Variants in TRIP11 observed in about 807,000 individuals in gnomAD.
TRIP11 encodes thyroid hormone receptor interactor 11.
TRIP11 carries 148 observed loss-of-function variants against 223.1 expected under a neutral mutation model. The observed-to-expected ratio is 0.66, with a 90% confidence interval of 0.58 to 0.76. The LOEUF is 0.76. Among genes scored for constraint, TRIP11 ranks in the 30% least tolerant of loss-of-function variants. The pLI is 0.00. For missense variants in TRIP11, 2,043 were observed against 2,222.0 expected (o/e 0.92, Z 1.62); for synonymous variants, 762 against 772.6 (o/e 0.99, Z 0.23).
At chr14:92,001,135 A>G (rs2056820795) in intron 11 of TRIP11, among the ~76,000 whole-genome samples, 1 of 152,148 alleles carries the variant, frequency 6.6e-6, no homozygotes, top group Non-Finnish European at 1.5e-5. Flanking sequence ...TGCTGGGATT[A>G]CATGTGTGAG....
intron 1 of TRIP11, among the ~76,000 whole-genome samples, chr14:92,035,576 TATTTA>T (rs777735702): frequency 5.8e-4 from 61 of 104,812 alleles, no homozygotes; most frequent in African/African-American, 1.3e-3. Context: ...TTTATTTATT[TATTTA>T]TTTATTTTTT....
intron 15 of TRIP11, among the ~76,000 whole-genome samples, chr14:91,989,448 G>A (rs2056646170): frequency 6.7e-6 from 1 of 149,932 alleles, no homozygotes; most frequent in East Asian, 2.0e-4. Context: ...AATATATCCT[G>A]GGCTCTATTT....
intron 2 of TRIP11, 85 bp from the exon 3 acceptor site, chr14:92,025,505 G>GC (rs2057171349): frequency 1.2e-6 from 1 of 854,340 alleles, no homozygotes; most frequent in Non-Finnish European, 1.9e-6. Flanking sequence ...AAAACGTACT[G>GC]CTTTCCCCCC....
chr14:91,969,831 C>T lies in TRIP11; in HGVS notation c.5782G>A (p.Ala1928Thr). ...DVNPFLAPRS[A>T]AVPLINPAGL... is the part of the protein sequence containing the mutation. ...GCTGGGTTAATAAGAGGTACAGCTG[C>T]CGAGCGAGGAGCCAAAAACGGATTT... is the stretch of plus-strand genomic sequence containing the variant. The change falls in exon 21 of 21, where the codon GCA becomes ACA. Residue 1928 changes from alanine to threonine, a missense_variant. Coordinates refer to ENST00000267622, the MANE Select transcript of TRIP11 (RefSeq NM_004239.4). 6.2e-7 allele frequency: 1 copy of T among 1,614,178 alleles called. No individual in the cohort carries two copies. The highest frequency in any genetic ancestry group is 8.5e-7 in the Non-Finnish European group (1 of 1,180,038).
intron 16 of TRIP11, among the ~76,000 whole-genome samples, chr14:91,979,244 G>A (rs1243021391): frequency 7.2e-5 from 10 of 138,336 alleles, no homozygotes; most frequent in South Asian, 7.1e-4. Context: ...ACAACAGAGC[G>A]AGACCCTGTC....
rs1566874546 is a variant in TRIP11 at position 92,029,288 on chromosome 14, T to TTTTTA, written c.202-3869_202-3868insTAAAA. Among the ~76,000 whole-genome samples the TTTTTA allele has an allele frequency of 8.0e-4, 45 of 56,106 alleles. 1 individual carries two copies. Among genetic ancestry groups the TTTTTA allele is most frequent in the African/African-American group, 2.5e-3 (44 of 17,792 alleles). 36.8% of individuals were successfully genotyped at this position (56,106 alleles called of 152,430 possible). ...GCATTGCCCAAAGTATTATTTTTTT[T>TTTTTA]TTTTTTTTTTTTTTTTTTTTTTTTT... On this transcript the variant is annotated intron_variant, in intron 2 of 20. Coordinates refer to ENST00000267622, the MANE Select transcript of TRIP11 (RefSeq NM_004239.4).
Position 92,005,090 on chromosome 14 carries a change from A to G in TRIP11, c.2886T>C (p.Asp962=). 1 of 1,613,706 alleles carries G rather than the reference A, an allele frequency of 6.2e-7. No homozygotes were observed. Among genetic ancestry groups the G allele is most frequent in the Non-Finnish European group, 8.5e-7 (1 of 1,180,020 alleles). ...TTTTTTGCAAACTCTTAATTTCCTCATCCTTCTCTAAAAAGAGCTGGGTGT... is the reference window on the plus strand; with the variant it reads ...TTTTTTGCAAACTCTTAATTTCCTCGTCCTTCTCTAAAAAGAGCTGGGTGT... ...ATHTQLFLEK[D]EEIKSLQKTI... is the part of the protein sequence containing the mutation. Residue 962 remains aspartate (D), a synonymous_variant, in exon 11 of 21, where the codon GAT becomes GAC. Transcript: ENST00000267622.
intron 20 of TRIP11, among the ~76,000 whole-genome samples, chr14:91,970,433 T>TAA (rs112330218): frequency 4.1e-5 from 6 of 147,084 alleles, no homozygotes; most frequent in African/African-American, 9.9e-5. Context: ...AAATTAAAAT[T>TAA]AAAAAAAAAA....
rs2056449473 is a variant in TRIP11, at chr14:91,975,224, A to G, written c.5405T>C (p.Val1802Ala). 3.7e-6 allele frequency: 6 copies of G among 1,613,802 alleles called. No individual in the cohort carries two copies. Among genetic ancestry groups the G allele is most frequent in the Middle Eastern group, 1.7e-4 (1 of 6,054 alleles). The stretch of plus-strand genomic sequence containing the variant: ...CAGGATGCTCCCCATTAACCGTAAC[A>G]CTTCATGACGCTGATTTTTCGGTGT... ...FHTPKNQRHE[V>A]LRLMGSILGV... The change falls in exon 18 of 21, where the codon GTG becomes GCG. Residue 1802 changes from valine to alanine, a missense_variant. Coordinates refer to ENST00000267622, the MANE Select transcript of TRIP11 (RefSeq NM_004239.4).
Position 91,969,724 on chromosome 14 carries a change from C to T in TRIP11, c.5889G>A (p.Ala1963=), listed in dbSNP as rs142075650. ...CAACCCCAGCACTGTTGTCAGGTAACGCTGGCAAAGGTGTAAATGTGGGCA... is the reference window on the plus strand; with the variant it reads ...CAACCCCAGCACTGTTGTCAGGTAATGCTGGCAAAGGTGTAAATGTGGGCA... The part of the protein sequence containing the change: ...DVLPTFTPLP[A]LPDNSAGVVL... The change falls in exon 21 of 21, where the codon GCG becomes GCA. Residue 1963 remains alanine (A), a synonymous_variant. Coordinates refer to ENST00000267622, the MANE Select transcript of TRIP11 (RefSeq NM_004239.4). 1.3e-4 allele frequency: 203 copies of T among 1,613,182 alleles called. 4 individuals are homozygous for T. The highest frequency in any genetic ancestry group is 9.4e-4 in the Middle Eastern group (5 of 5,294).
chr14:92,029,428 T>C (rs1270186863), intron 2 of TRIP11, among the ~76,000 whole-genome samples: 1 of 151,692 alleles, frequency 6.6e-6, no homozygotes, highest in Non-Finnish European at 1.5e-5. Context: ...CCTGAATAGC[T>C]GGGATTACAG....
intron 11 of TRIP11, among the ~76,000 whole-genome samples, chr14:92,001,858 C>A (rs117092398): frequency 6.6e-6 from 1 of 152,156 alleles, no homozygotes; most frequent in East Asian, 1.9e-4. Flanking sequence ...AGACCAGTAC[C>A]ATTAAAGCTA....
chr14:92,038,478 C>T (rs1461402092), intron 1 of TRIP11, among the ~76,000 whole-genome samples: 1 of 152,082 alleles, frequency 6.6e-6, no homozygotes, highest in Non-Finnish European at 1.5e-5. Context: ...GAACGTAAAG[C>T]GGTAAAATGG....
rs778772980 is a variant in TRIP11 at position 92,015,692 on chromosome 14, T to C, written c.823+4A>G. 4 of 1,602,472 alleles carry C rather than the reference T, an allele frequency of 2.5e-6. No homozygotes were observed. The East Asian group carries it at 9.0e-5, about 36-fold the overall frequency. On this transcript the variant is annotated splice_donor_region_variant and intron_variant, in intron 6 of 20. Transcript: ENST00000267622. ...AATAATAATAAAGAAATAAAACTAA[T>C]AACCTTGTTGTAACAGATTTTCAAG...
intron 1 of TRIP11, 102 bp downstream of exon 1, chr14:92,039,445 C>T: frequency 7.7e-7 from 1 of 1,298,932 alleles, no homozygotes; most frequent in Non-Finnish European, 1.1e-6. Context: ...GAGCAGCATT[C>T]CTTTGCGACC....
At chr14:92,033,671 C>A (rs1293497415) in intron 1 of TRIP11, among the ~76,000 whole-genome samples, 1 of 152,084 alleles carries the variant, frequency 6.6e-6, no homozygotes, top group African/African-American at 2.4e-5. Flanking sequence ...GGGTGGCTTG[C>A]CAGTTAAGAC....
At chr14:92,034,681 A>C (rs1376047748) in intron 1 of TRIP11, among the ~76,000 whole-genome samples, 1 of 152,088 alleles carries the variant, frequency 6.6e-6, no homozygotes, top group Non-Finnish European at 1.5e-5. Flanking sequence ...GTCTCACTTC[A>C]CTCTGCCACC....
At chr14:91,989,659 G>A (rs950004492) in intron 15 of TRIP11, among the ~76,000 whole-genome samples, 1 of 151,616 alleles carries the variant, frequency 6.6e-6, no homozygotes, top group African/African-American at 2.4e-5. Context: ...TGTCATCCTG[G>A]ATAGGTCACA....
At chr14:91,973,548 A>G (rs1271988843) in intron 19 of TRIP11, among the ~76,000 whole-genome samples, 1 of 152,260 alleles carries the variant, frequency 6.6e-6, no homozygotes, top group Non-Finnish European at 1.5e-5. Context: ...CACATTAGAC[A>G]TAATTTTCTA....
Sources: allele counts gnomAD v4.1 joint callset (sites outside exome capture counted in the v4.1 genomes callset), GRCh38; gene constraint gnomAD v4.1.1; transcripts MANE v1.5; gene names NCBI Gene and HGNC (gene_info 2026-07-23, HGNC 2026-07-21).